Variants in TP63 observed in about 807,000 individuals in gnomAD.
The protein encoded by TP63 is tumor protein 63.
In TP63, 17 loss-of-function variants were observed where a neutral mutation model predicts 82.8. The ratio of observed to expected loss-of-function variants is 0.21; its 90% CI spans 0.14 to 0.31. The LOEUF (loss-of-function observed/expected upper bound fraction) is 0.31. TP63 is among the 10% of genes least tolerant of loss of function. TP63 has a pLI of 1.00. For missense variants in TP63, 648 were observed against 895.3 expected (o/e 0.72, Z 3.52); for synonymous variants, 330 against 321.7 (o/e 1.03, Z -0.28).
chr3:189,612,795 G>T, the TP63 span, among the ~76,000 whole-genome samples: 3 of 152,310 alleles, frequency 2.0e-5, no homozygotes, highest in South Asian at 2.1e-4. Context: ...TGAGGAACTT[G>T]TTGGGAACTG....
At chr3:189,748,050 T>C (rs1345588445) in intron 3 of TP63, among the ~76,000 whole-genome samples, 1 of 151,992 alleles carries the variant, frequency 6.6e-6, no homozygotes, top group Non-Finnish European at 1.5e-5. Flanking sequence ...AACATGCCTC[T>C]ACATAATGAT....
chr3:189,798,395 G>A (rs913267303), intron 3 of TP63, among the ~76,000 whole-genome samples: 3 of 152,044 alleles, frequency 2.0e-5, no homozygotes, highest in Non-Finnish European at 2.9e-5. Context: ...TAGCAAGAAA[G>A]TTTTTGAAAG....
At chr3:189,678,115 A>G (rs1308362547) in intron 1 of TP63, among the ~76,000 whole-genome samples, 1 of 151,774 alleles carries the variant, frequency 6.6e-6, no homozygotes, top group Non-Finnish European at 1.5e-5. Context: ...CCATTTGTCT[A>G]TTTTGGATTT....
intron 1 of TP63, among the ~76,000 whole-genome samples, chr3:189,658,828 A>G (rs1342050619): frequency 6.6e-6 from 1 of 152,028 alleles, no homozygotes; most frequent in East Asian, 1.9e-4. Flanking sequence ...TGAATAAATT[A>G]TGGGACTTTA....
intron 4 of TP63, among the ~76,000 whole-genome samples, chr3:189,861,522 A>G (rs1178445214): frequency 6.6e-6 from 1 of 152,196 alleles, no homozygotes; most frequent in Non-Finnish European, 1.5e-5. Context: ...TTAAAGAGCA[A>G]GACTGTATCC....
rs775026551 is a variant in TP63 at position 189,867,904 on chromosome 3, C to A, written c.954C>A (p.Arg318=). 1.9e-6 allele frequency: 3 copies of A among 1,613,918 alleles called. No individual in the cohort carries two copies. The South Asian group carries it at 3.3e-5, about 18-fold the overall frequency. Residue 318 remains arginine (R), a synonymous_variant, in exon 7 of 14, where the codon CGC becomes CGA. Transcript: ENST00000264731. ...CNSSCVGGMN[R]RPILIIVTLE... is the part of the protein sequence containing the mutation. ...GCAGTTGTGTTGGAGGGATGAACCG[C>A]CGTCCAATTTTAATCATTGTTACTC...
At chr3:189,849,667 TA>T (rs1268221488) in intron 4 of TP63, among the ~76,000 whole-genome samples, 1 of 152,156 alleles carries the variant, frequency 6.6e-6, no homozygotes, top group African/African-American at 2.4e-5. Flanking sequence ...TTTTAGAAAT[TA>T]TTTTTTTTAA....
intron 1 of TP63, among the ~76,000 whole-genome samples, chr3:189,632,249 G>T (rs1329273435): frequency 6.6e-6 from 1 of 152,142 alleles, no homozygotes; most frequent in Non-Finnish European, 1.5e-5. Context: ...AGTTATGGGA[G>T]ATATTCAAGT....
intron 3 of TP63, among the ~76,000 whole-genome samples, chr3:189,776,511 T>G (rs1230440359): frequency 6.6e-6 from 1 of 152,090 alleles, no homozygotes; most frequent in African/African-American, 2.4e-5. Flanking sequence ...TACAGAAGAG[T>G]AGCAATGAAG....
At chr3:189,677,444 A>T (rs181522381) in intron 1 of TP63, among the ~76,000 whole-genome samples, 2,376 of 86,948 alleles carry the variant, frequency 0.027, 75 homozygotes, top group African/African-American at 0.07. Flanking sequence ...ATATATATAT[A>T]CACACATATA....
chr3:189,601,299 G>A, the TP63 span, among the ~76,000 whole-genome samples: 2 of 152,106 alleles, frequency 1.3e-5, no homozygotes, highest in African/African-American at 4.8e-5. Flanking sequence ...GAGCACATGT[G>A]CTCATTTACT....
intron 3 of TP63, among the ~76,000 whole-genome samples, chr3:189,799,691 C>T (rs997619422): frequency 6.6e-6 from 1 of 152,032 alleles, no homozygotes; most frequent in African/African-American, 2.4e-5. Flanking sequence ...CAATTCCCAC[C>T]TACCAAGACA....
the TP63 span, among the ~76,000 whole-genome samples, chr3:189,598,166 TAAG>T: frequency 6.7e-6 from 1 of 148,788 alleles, no homozygotes; most frequent in Non-Finnish European, 1.5e-5. Context: ...AAATGAAAAA[TAAG>T]AAAAGATTTT....
At position 189,789,857 on chromosome 3, in the gene TP63, T is replaced by C. The variant is rs550404522; in HGVS notation, c.325-18415T>C. On this transcript the variant is annotated intron_variant, in intron 3 of 13. Transcript: ENST00000264731. ...AATTTAGTGAGGTAAGGATTTTAGA[T>C]TTTAGCACTCCATTTAGAGATGCTT... 2.5e-6 allele frequency: 4 copies of C among 1,578,528 alleles called. 1 individual carries two copies. The Admixed American group carries it at 5.5e-5, about 22-fold the overall frequency.
intron 4 of TP63, among the ~76,000 whole-genome samples, chr3:189,820,863 T>C (rs1728729865): frequency 6.6e-6 from 1 of 152,226 alleles, no homozygotes; most frequent in Non-Finnish European, 1.5e-5. Context: ...AGGACATACC[T>C]ATTATTTCCT....
chr3:189,795,984 T>C (rs1725661259), intron 3 of TP63, among the ~76,000 whole-genome samples: 1 of 152,062 alleles, frequency 6.6e-6, no homozygotes, highest in Admixed American at 6.6e-5. Flanking sequence ...GGAACAAAAT[T>C]CAAACTGACT....
chr3:189,825,865 G>A (rs1008781124), intron 4 of TP63, among the ~76,000 whole-genome samples: 17 of 152,106 alleles, frequency 1.1e-4, no homozygotes, highest in African/African-American at 3.4e-4. Context: ...AGGGGTATGC[G>A]CTGTAATTTG....
chr3:189,853,044 T>C (rs1403676632), intron 4 of TP63, among the ~76,000 whole-genome samples: 1 of 152,174 alleles, frequency 6.6e-6, no homozygotes, highest in Non-Finnish European at 1.5e-5. Flanking sequence ...TCTATGAAAA[T>C]TGTCTTTTCT....
chr3:189,893,996 A>G (rs190485953), intron 13 of TP63, among the ~76,000 whole-genome samples: 7 of 152,326 alleles, frequency 4.6e-5, no homozygotes, highest in South Asian at 4.1e-4. Context: ...GAAGTGTTCT[A>G]CACAGGCAGG....
Sources: gnomAD v4.1 joint callset for allele counts (sites outside exome capture counted in the v4.1 genomes callset) on GRCh38, gnomAD v4.1.1 for gene constraint, MANE v1.5 for transcripts, NCBI Gene and HGNC (gene_info 2026-07-23, HGNC 2026-07-21) for gene names.